TTC23: variants seen among roughly 807,000 people sequenced by gnomAD.
The protein encoded by TTC23 is tetratricopeptide repeat domain 23.
In TTC23, 58 loss-of-function variants were observed where a neutral mutation model predicts 55.1. The observed-to-expected ratio is 1.05, with a 90% CI of 0.85 to 1.31. The LOEUF is 1.31. Ranked by LOEUF, TTC23 falls within the 50% of genes most tolerant of loss-of-function variation. TTC23 has a pLI of 0.00. For missense variants in TTC23, 516 were observed against 534.4 expected (o/e 0.97, Z 0.34); for synonymous variants, 203 against 199.9 (o/e 1.02, Z -0.13).
upstream of TTC23, among the ~76,000 whole-genome samples, chr15:99,250,101 C>A (rs2080598082): frequency 6.6e-6 from 1 of 152,040 alleles, no homozygotes. Flanking sequence ...CATATATTAG[C>A]AGCAAGTCTT....
At position 99,140,036 on chromosome 15, in the gene TTC23, G is replaced by A. The variant is rs535861192; in HGVS notation, c.1144-637C>T. On this transcript the variant is annotated intron_variant, in intron 12 of 13. Coordinates refer to ENST00000394132, the MANE Select transcript of TTC23 (RefSeq NM_001288615.3). ...TAATTTTGAGAAAGAATGAGGTGGA[G>A]AGGTGGAGGAACTTGCTTTACTGAA... 22 of 234,872 alleles carry A rather than the reference G, an allele frequency of 9.4e-5. No individual in the cohort carries two copies. In the South Asian group the frequency reaches 1.2e-3, roughly 13 times the overall value. 14.5% of individuals were successfully genotyped at this position (234,872 alleles called of 1,614,324 possible). A position where few individuals can be genotyped will look rare whatever the true frequency, so the allele number is the denominator to read the frequency against.
At chr15:99,228,276 G>A (rs1391801965) in intron 5 of TTC23, 2 of 310,278 alleles carry the variant, frequency 6.4e-6, no homozygotes, top group African/African-American at 4.3e-5. Flanking sequence ...CATCTGCTTT[G>A]TTTGTGTTGT....
At position 99,202,148 on chromosome 15, in the gene TTC23, G is replaced by C. The variant is rs368084216; in HGVS notation, c.582-2052C>G. Among the ~76,000 whole-genome samples, 8 of 152,172 alleles carry C rather than the reference G, an allele frequency of 5.3e-5. No homozygotes were observed. The East Asian group carries it at 5.8e-4, about 11-fold the overall frequency. ...AACATCTGAAATACTTATTATCTGGGCTTTTAGGGAAAAAGTTTGCTGACC... is the reference window on the plus strand; with the variant it reads ...AACATCTGAAATACTTATTATCTGGCCTTTTAGGGAAAAAGTTTGCTGACC... On this transcript the variant is annotated intron_variant, in intron 8 of 13. Transcript: ENST00000394132.
intron 9 of TTC23, among the ~76,000 whole-genome samples, chr15:99,196,293 CAAAG>C (rs1384310780): frequency 6.6e-6 from 1 of 151,750 alleles, no homozygotes; most frequent in African/African-American, 2.4e-5. Context: ...TAAGAACAAA[CAAAG>C]AAAAAACTGC....
At chr15:99,178,697 T>G (rs1466678897) in intron 9 of TTC23, among the ~76,000 whole-genome samples, 3 of 152,198 alleles carry the variant, frequency 2.0e-5, no homozygotes, top group Non-Finnish European at 4.4e-5. Context: ...CTATCTACCC[T>G]TACTCTTGTC....
chr15:99,230,274 A>G (rs2078829228), intron 4 of TTC23, among the ~76,000 whole-genome samples: 1 of 152,228 alleles, frequency 6.6e-6, no homozygotes. Flanking sequence ...TTAATGGCAG[A>G]TAAGATACTG....
chr15:99,222,288 A>C (rs1487361204), intron 5 of TTC23, among the ~76,000 whole-genome samples: 1 of 151,968 alleles, frequency 6.6e-6, no homozygotes, highest in Non-Finnish European at 1.5e-5. Flanking sequence ...TGTGTGTATG[A>C]GACAGGGTCT....
chr15:99,235,873 C>T (rs1158024352), intron 3 of TTC23, among the ~76,000 whole-genome samples: 2 of 152,176 alleles, frequency 1.3e-5, no homozygotes, highest in Non-Finnish European at 2.9e-5. Context: ...TCTGACTGCT[C>T]TAGGTACTTT....
chr15:99,182,898 G>A (rs1344121582), intron 9 of TTC23, among the ~76,000 whole-genome samples: 1 of 151,628 alleles, frequency 6.6e-6, no homozygotes, highest in Non-Finnish European at 1.5e-5. Context: ...AATTTTTATA[G>A]TGAAACAATA....
At position 99,137,988 on chromosome 15, in the gene TTC23, A is replaced by C; in HGVS notation, c.*22T>G. On this transcript the variant is annotated 3_prime_UTR_variant, in exon 14 of 14. Transcript: ENST00000394132. ...AAATGACAGTGCCCAGGAATGTCCT[A>C]GGCTTTTTCAGGGTGGGGGCCTCAG... is the stretch of plus-strand genomic sequence containing the variant. 6.2e-7 allele frequency: 1 copy of C among 1,614,006 alleles called. No individual in the cohort carries two copies. The highest frequency in any genetic ancestry group is 8.5e-7 in the Non-Finnish European group (1 of 1,179,958).
intron 4 of TTC23, 147 bp from the exon 5 acceptor site, chr15:99,228,879 G>A (rs1301262287): frequency 1.7e-6 from 1 of 595,780 alleles, no homozygotes; most frequent in Non-Finnish European, 2.7e-6. Context: ...CTGACCTGCT[G>A]ATTTCTACTT....
chr15:99,167,155 C>T (rs952670384), intron 10 of TTC23, among the ~76,000 whole-genome samples: 2 of 152,158 alleles, frequency 1.3e-5, no homozygotes, highest in Non-Finnish European at 2.9e-5. Context: ...CAGTCTATCT[C>T]CACCTGGGAC....
At chr15:99,177,920 C>T (rs536300155) in intron 9 of TTC23, among the ~76,000 whole-genome samples, 2 of 152,232 alleles carry the variant, frequency 1.3e-5, no homozygotes, top group South Asian at 4.2e-4. Flanking sequence ...TGGCTCATGC[C>T]TATAATCTCA....
intron 9 of TTC23, among the ~76,000 whole-genome samples, chr15:99,195,168 T>TA (rs1338768075): frequency 6.6e-6 from 1 of 152,188 alleles, no homozygotes; most frequent in African/African-American, 2.4e-5. Context: ...GAGAAAATCT[T>TA]ACAAAAGACA....
intron 7 of TTC23, 57 bp downstream of exon 7, chr15:99,218,841 G>T: frequency 6.3e-7 from 1 of 1,596,616 alleles, no homozygotes; most frequent in Non-Finnish European, 8.5e-7. Context: ...TTTACTTGGC[G>T]TGTAAGTGTT....
intron 6 of TTC23, among the ~76,000 whole-genome samples, chr15:99,219,549 C>T (rs2077741551): frequency 6.6e-6 from 1 of 152,066 alleles, no homozygotes; most frequent in African/African-American, 2.4e-5. Flanking sequence ...AACTTACAAA[C>T]ACAATTCCAG....
At chr15:99,181,596 A>G (rs1164803196) in intron 9 of TTC23, among the ~76,000 whole-genome samples, 1 of 152,138 alleles carries the variant, frequency 6.6e-6, no homozygotes, top group Non-Finnish European at 1.5e-5. Flanking sequence ...CACCCTGCCA[A>G]AACTGGTCAT....
At chr15:99,196,723 T>G (rs1161217184) in intron 9 of TTC23, among the ~76,000 whole-genome samples, 1 of 152,188 alleles carries the variant, frequency 6.6e-6, no homozygotes, top group Non-Finnish European at 1.5e-5. Context: ...GTTATCCCCC[T>G]GCTTATCTCA....
chr15:99,227,025 T>C (rs920686082), intron 5 of TTC23, among the ~76,000 whole-genome samples: 1 of 152,234 alleles, frequency 6.6e-6, no homozygotes, highest in African/African-American at 2.4e-5. Context: ...TCTTTACATT[T>C]GTTAAATGCC....
Sources: gnomAD v4.1 joint callset for allele counts (sites outside exome capture counted in the v4.1 genomes callset) on GRCh38, gnomAD v4.1.1 for gene constraint, MANE v1.5 for transcripts, NCBI Gene and HGNC (gene_info 2026-07-23, HGNC 2026-07-21) for gene names.